Variants in DTX4 observed in about 807,000 individuals in gnomAD.
DTX4 encodes E3 ubiquitin-protein ligase DTX4.
DTX4 carries 28 observed loss-of-function variants against 57.6 expected under a neutral mutation model. The ratio of observed to expected loss-of-function variants is 0.49; its 90% CI spans 0.36 to 0.67. The LOEUF (loss-of-function observed/expected upper bound fraction) is 0.67. DTX4 is among the 30% of genes least tolerant of loss of function. The probability of loss-of-function intolerance (pLI) is 0.00; values close to 1 mark genes in which losing one functional copy is unlikely to be tolerated. For synonymous variants in DTX4, 316 were observed against 331.0 expected (o/e 0.95, Z 0.49); for missense variants, 715 against 836.8 (o/e 0.85, Z 1.80).
chr11:59,195,511 T>TC (rs1267537686), intron 7 of DTX4, 142 bp downstream of exon 7: 1 of 911,472 alleles, frequency 1.1e-6, no homozygotes, highest in Non-Finnish European at 1.6e-6. Flanking sequence ...TGACACTACA[T>TC]CCCCCGACTC....
rs1383872471 is a variant in DTX4, at chr11:59,207,035, C to T, written c.*2126C>T. The T allele has an allele frequency of 1.3e-5, 2 of 152,196 alleles. No individual in the cohort carries two copies. Among genetic ancestry groups the T allele is most frequent in the Non-Finnish European group, 1.5e-5 (1 of 68,052 alleles). The allele number at this position is 152,196 out of a possible 1,614,324, so 9.4% of individuals were successfully genotyped here. A position where few individuals can be genotyped will look rare whatever the true frequency, so the allele number is the denominator to read the frequency against. On this transcript the variant is annotated 3_prime_UTR_variant, in exon 9 of 9. Transcript: ENST00000227451. ...ACACCCATGCCCTTTGTCAGGTTAC[C>T]ATGTACAGAGATTACTTGGAGAGCC...
intron 4 of DTX4, among the ~76,000 whole-genome samples, chr11:59,190,454 G>A (rs1862581962): frequency 6.6e-6 from 1 of 152,150 alleles, no homozygotes; most frequent in Non-Finnish European, 1.5e-5. Context: ...AGGTAGCACT[G>A]ATCATTTTTC....
At chr11:59,198,150 A>G (rs1157988968) in intron 7 of DTX4, among the ~76,000 whole-genome samples, 1 of 152,168 alleles carries the variant, frequency 6.6e-6, no homozygotes, top group Non-Finnish European at 1.5e-5. Context: ...GCAGAGAACT[A>G]TTCCCTTGGG....
chr11:59,178,037 A>C (rs1259422739), intron 1 of DTX4, among the ~76,000 whole-genome samples: 1 of 152,190 alleles, frequency 6.6e-6, no homozygotes, highest in East Asian at 1.9e-4. Flanking sequence ...ATGCTATTAA[A>C]ATTTTTTTAA....
chr11:59,199,808 T>C, intron 8 of DTX4, 35 bp downstream of exon 8: 4 of 1,532,404 alleles, frequency 2.6e-6, no homozygotes. Flanking sequence ...AACTAGGTTT[T>C]AGAATAGATC....
intron 1 of DTX4, among the ~76,000 whole-genome samples, chr11:59,177,978 T>G (rs1366114103): frequency 1.3e-5 from 2 of 152,202 alleles, no homozygotes; most frequent in Non-Finnish European, 2.9e-5. Flanking sequence ...GGGACAGATA[T>G]TCATCAAATT....
In DTX4 at chr11:59,181,961, G is replaced by A. The variant is rs758388737; in HGVS notation, c.434G>A (p.Arg145His). 8.7e-6 allele frequency: 14 copies of A among 1,613,928 alleles called. No homozygotes were observed. The highest frequency in any genetic ancestry group is 1.7e-4 in the Middle Eastern group (1 of 6,060). The stretch of plus-strand genomic sequence containing the variant: ...TTCAACACCATGGGCCAGATCAACC[G>A]TCAGACCCAGCGCCAACGCCGCGTC... ...IDFNTMGQIN[R>H]QTQRQRRVRR... is the part of the protein sequence containing the mutation. Residue 145 changes from arginine (R) to histidine (H), a missense_variant, in exon 2 of 9, where the codon CGT becomes CAT. By Grantham distance (29) the Arg-to-His change is conservative (BLOSUM62 0). Coordinates refer to ENST00000227451, the MANE Select transcript of DTX4 (RefSeq NM_015177.2).
At position 59,181,827 on chromosome 11, in the gene DTX4, C is replaced by T; in HGVS notation, c.300C>T (p.Gly100=). 6.2e-7 allele frequency: 1 copy of T among 1,613,988 alleles called. No individual in the cohort carries two copies. The highest frequency in any genetic ancestry group is 8.5e-7 in the Non-Finnish European group (1 of 1,179,880). The change falls in exon 2 of 9, where the codon GGC becomes GGT. Residue 100 remains glycine (G), a synonymous_variant. Coordinates refer to ENST00000227451, the MANE Select transcript of DTX4 (RefSeq NM_015177.2). ...GVVWEWENDN[G]SWTPYDMEVG... is the part of the protein sequence containing the mutation. ...TGTGGGAGTGGGAGAACGACAATGG[C>T]TCCTGGACGCCCTACGACATGGAAG...
rs1334258703 is a variant in DTX4, at chr11:59,199,724, G to A, written c.1577G>A (p.Arg526Gln). The change falls in exon 8 of 9, where the codon CGA becomes CAA. Residue 526 changes from arginine (R) to glutamine (Q), a missense_variant. By Grantham distance (43) the Arg-to-Gln change is conservative. Transcript: ENST00000227451. ...AATCCTGGGAAGAGTTTCAGCGCCC[G>A]AGGCTTCCCACGACACTGTTACCTT... ...HPNPGKSFSA[R>Q]GFPRHCYLPD... 1.1e-5 allele frequency: 17 copies of A among 1,577,388 alleles called. No homozygotes were observed. Among genetic ancestry groups the A allele is most frequent in the East Asian group, 9.4e-5 (4 of 42,650 alleles).
intron 7 of DTX4, among the ~76,000 whole-genome samples, chr11:59,198,098 C>A (rs138458717): frequency 0.011 from 1,738 of 152,320 alleles, 15 homozygotes; most frequent in Non-Finnish European, 0.017. Context: ...CACAGGCATG[C>A]GCTTCTGTGA....
intron 6 of DTX4, among the ~76,000 whole-genome samples, chr11:59,192,598 G>A (rs932296979): frequency 2.0e-5 from 3 of 152,138 alleles, no homozygotes; most frequent in Admixed American, 2.0e-4. Context: ...TGAGAGAGAA[G>A]GAAGTTCTTA....
rs760843683 is a variant in DTX4 at position 59,189,239 on chromosome 11, C to A, written c.1075C>A (p.Pro359Thr). The stretch of plus-strand genomic sequence containing the variant: ...GCCACCAAAGCTGGTCCTACACCCA[C>A]CCCCCGTCAGCAAGAGTGAAATAAA... ...TRPPKLVLHP[P>T]PVSKSEIKSI... is the part of the protein sequence containing the mutation. Residue 359 changes from proline (P) to threonine (T), a missense_variant, in exon 4 of 9, where the codon CCC (proline) becomes ACC (threonine). By Grantham distance (38) the Pro-to-Thr change is conservative. Transcript: ENST00000227451. The A allele has an allele frequency of 6.2e-7, 1 of 1,611,560 alleles. No individual in the cohort carries two copies. The highest frequency in any genetic ancestry group is 1.1e-5 in the South Asian group (1 of 90,600).
intron 8 of DTX4, among the ~76,000 whole-genome samples, chr11:59,200,234 A>G (rs200230107): frequency 2.6e-5 from 4 of 152,244 alleles, no homozygotes; most frequent in Non-Finnish European, 5.9e-5. Context: ...TGAGAACAGT[A>G]TAGGGGAAAC....
At chr11:59,176,881 C>G (rs903900828) in intron 1 of DTX4, among the ~76,000 whole-genome samples, 1 of 152,194 alleles carries the variant, frequency 6.6e-6, no homozygotes, top group African/African-American at 2.4e-5. Flanking sequence ...AATACTGATT[C>G]TAGAAAAGTC....
chr11:59,198,077 T>G (rs1007931458), intron 7 of DTX4, among the ~76,000 whole-genome samples: 5 of 152,188 alleles, frequency 3.3e-5, no homozygotes, highest in Admixed American at 3.3e-4. Flanking sequence ...CATTCAAGTT[T>G]CCAGGGACCA....
Position 59,204,872 on chromosome 11 carries a change from G to T in DTX4, c.1823G>T (p.Gly608Val). ...DNVLAELAAQ[G>V]ISEDSTAQEK... is the part of the protein sequence containing the mutation. ...GTGCTGGCTGAACTGGCTGCCCAGG[G>T]CATCTCTGAGGACAGCACTGCCCAG... The change falls in exon 9 of 9, where the codon GGC becomes GTC. Residue 608 changes from glycine (G) to valine (V), a missense_variant. Transcript: ENST00000227451. 3 of 1,595,820 alleles carry T rather than the reference G, an allele frequency of 1.9e-6. No individual in the cohort carries two copies. Among genetic ancestry groups the T allele is most frequent in the Non-Finnish European group, 1.7e-6 (2 of 1,170,730 alleles).
chr11:59,186,657 A>G (rs971424368), intron 2 of DTX4, among the ~76,000 whole-genome samples: 7 of 152,264 alleles, frequency 4.6e-5, no homozygotes, highest in Admixed American at 2.6e-4. Flanking sequence ...AGTTTTACAG[A>G]TGGGGAAATT....
rs1182866251 is a variant in DTX4, at chr11:59,184,887, TCTC to T, written c.935+2430_935+2432del. 2.0e-5 allele frequency among the ~76,000 whole-genome samples: 3 copies of T among 152,284 alleles called. No individual in the cohort carries two copies. In the South Asian group the frequency reaches 6.2e-4, roughly 32 times the overall value. On this transcript the variant is annotated intron_variant, in intron 2 of 8. Transcript: ENST00000227451. ...ACCTCCCTCACCCCCAATCCCATCTTCTCCTCCAGCCTTTCTTGGCCATTTAAT... is the reference window on the plus strand; with the variant it reads ...ACCTCCCTCACCCCCAATCCCATCTTCTCCAGCCTTTCTTGGCCATTTAAT...
At chr11:59,191,535 T>C (rs532063904) in intron 5 of DTX4, among the ~76,000 whole-genome samples, 2 of 152,350 alleles carry the variant, frequency 1.3e-5, no homozygotes, top group African/African-American at 4.8e-5. Context: ...CATTTGGCCA[T>C]GTCTGGAGAC....
Sources: allele counts gnomAD v4.1 joint callset (sites outside exome capture counted in the v4.1 genomes callset), GRCh38; gene constraint gnomAD v4.1.1; transcripts MANE v1.5; gene names NCBI Gene and HGNC (gene_info 2026-07-23, HGNC 2026-07-21).